The following NKAIN3 variants were observed in gnomAD, a reference collection of about 807,000 sequenced individuals.
NKAIN3 encodes sodium/potassium-transporting ATPase subunit beta-1-interacting protein 3.
Under a neutral mutation model 30.2 loss-of-function variants are expected in NKAIN3, and 25 were observed. That is an observed-to-expected ratio of 0.83 (90% CI 0.60 to 1.16). NKAIN3 has a LOEUF of 1.16. Ranked by LOEUF, NKAIN3 falls within the 50% of genes most tolerant of loss-of-function variation. The probability of loss-of-function intolerance (pLI) is 0.00; values close to 1 mark genes in which losing one functional copy is unlikely to be tolerated. For missense variants in NKAIN3, 225 were observed against 254.1 expected (o/e 0.89, Z 0.78); for synonymous variants, 91 against 89.6 (o/e 1.02, Z -0.09).
At chr8:62,690,830 C>G (rs1414345590) in intron 3 of NKAIN3, among the ~76,000 whole-genome samples, 1 of 152,190 alleles carries the variant, frequency 6.6e-6, no homozygotes, top group Non-Finnish European at 1.5e-5. Context: ...GCAGTATCTA[C>G]AAGGGAAGGA....
chr8:62,971,622 A>C lies in NKAIN3; in HGVS notation c.*6215A>C, dbSNP rs951286240. The stretch of plus-strand genomic sequence containing the variant: ...CACTCCAACCTGGGAGATGGAGCCA[A>C]ACCTTGTCTCAAAAAAAAAGCGGGG... On this transcript the variant is annotated 3_prime_UTR_variant, in exon 7 of 7. Coordinates refer to ENST00000623646, the MANE Select transcript of NKAIN3 (RefSeq NM_001304533.3). Among the ~76,000 whole-genome samples the C allele has an allele frequency of 2.0e-5, 3 of 149,224 alleles. No homozygotes were observed. Among genetic ancestry groups the C allele is most frequent in the African/African-American group, 7.4e-5 (3 of 40,812 alleles).
intron 5 of NKAIN3, among the ~76,000 whole-genome samples, chr8:62,931,049 C>T (rs1044744337): frequency 1.3e-5 from 2 of 152,162 alleles, no homozygotes; most frequent in African/African-American, 4.8e-5. Context: ...AGTCTACATT[C>T]CTTTAAATAA....
At chr8:62,942,607 A>T (rs1483058218) in intron 5 of NKAIN3, among the ~76,000 whole-genome samples, 1 of 152,100 alleles carries the variant, frequency 6.6e-6, no homozygotes, top group Admixed American at 6.6e-5. Context: ...ATCTGGAGGC[A>T]TCACATTACC....
intron 6 of NKAIN3, among the ~76,000 whole-genome samples, chr8:62,960,247 C>T (rs542794326): frequency 8.5e-5 from 13 of 152,292 alleles, no homozygotes; most frequent in Admixed American, 5.2e-4. Flanking sequence ...TGGCCAGTCA[C>T]GTGTCAAAGG....
At chr8:62,939,955 A>T (rs1040993442) in intron 5 of NKAIN3, among the ~76,000 whole-genome samples, 5 of 152,138 alleles carry the variant, frequency 3.3e-5, no homozygotes, top group African/African-American at 1.2e-4. Context: ...CACTTAAAAG[A>T]TACAGAATGG....
chr8:62,864,730 G>A (rs944670562), intron 4 of NKAIN3, among the ~76,000 whole-genome samples: 4 of 152,100 alleles, frequency 2.6e-5, no homozygotes, highest in African/African-American at 9.7e-5. Context: ...TTTGCCAAAA[G>A]CAAAAACCCG....
At chr8:62,673,218 T>C (rs1208696006) in intron 3 of NKAIN3, among the ~76,000 whole-genome samples, 1 of 152,258 alleles carries the variant, frequency 6.6e-6, no homozygotes, top group African/African-American at 2.4e-5. Flanking sequence ...AATTCCTTAT[T>C]AAACTGCTGA....
chr8:62,698,271 A>G (rs1270179311), intron 3 of NKAIN3, among the ~76,000 whole-genome samples: 2 of 152,222 alleles, frequency 1.3e-5, no homozygotes, highest in African/African-American at 2.4e-5. Context: ...TGACTTCCAC[A>G]TAACAGACCT....
At chr8:62,499,152 C>T (rs1209986568) in intron 1 of NKAIN3, among the ~76,000 whole-genome samples, 12 of 152,202 alleles carry the variant, frequency 7.9e-5, no homozygotes, top group Admixed American at 3.3e-4. Context: ...GAGGTAATAG[C>T]GGAAGAGGAC....
At chr8:62,767,083 A>G (rs1816861838) in intron 4 of NKAIN3, among the ~76,000 whole-genome samples, 1 of 151,998 alleles carries the variant, frequency 6.6e-6, no homozygotes, top group Non-Finnish European at 1.5e-5. Context: ...TTTTTATAAT[A>G]GTACCTCAAT....
intron 3 of NKAIN3, among the ~76,000 whole-genome samples, chr8:62,691,114 C>T (rs1813953041): frequency 6.6e-6 from 1 of 152,136 alleles, no homozygotes; most frequent in Non-Finnish European, 1.5e-5. Context: ...TTCACAGTTT[C>T]AAGTACGTAG....
At chr8:62,646,074 T>C (rs1812450592) in intron 3 of NKAIN3, among the ~76,000 whole-genome samples, 1 of 150,014 alleles carries the variant, frequency 6.7e-6, no homozygotes, top group South Asian at 2.1e-4. Flanking sequence ...CTATTATATA[T>C]AATAACTATT....
intron 1 of NKAIN3, among the ~76,000 whole-genome samples, chr8:62,363,994 T>C (rs1311256654): frequency 6.6e-6 from 1 of 152,216 alleles, no homozygotes; most frequent in Non-Finnish European, 1.5e-5. Flanking sequence ...CAGTGTGCCA[T>C]GCTAGGGTGA....
intron 1 of NKAIN3, among the ~76,000 whole-genome samples, chr8:62,456,325 T>C (rs916478924): frequency 4.0e-5 from 6 of 151,824 alleles, no homozygotes; most frequent in African/African-American, 1.5e-4. Flanking sequence ...ATCGAGACCA[T>C]CTGGCTAACA....
intron 3 of NKAIN3, among the ~76,000 whole-genome samples, chr8:62,651,015 A>G (rs1812605305): frequency 6.6e-6 from 1 of 151,986 alleles, no homozygotes; most frequent in Non-Finnish European, 1.5e-5. Flanking sequence ...TTAATTGAGC[A>G]TTTCAAACTG....
At chr8:62,896,674 G>T (rs932119507) in intron 4 of NKAIN3, among the ~76,000 whole-genome samples, 1 of 152,144 alleles carries the variant, frequency 6.6e-6, no homozygotes, top group Non-Finnish European at 1.5e-5. Context: ...CTGCTTCTAG[G>T]TGCTGGGGCC....
chr8:62,773,920 A>G (rs1307997348), intron 4 of NKAIN3, among the ~76,000 whole-genome samples: 1 of 152,146 alleles, frequency 6.6e-6, no homozygotes, highest in South Asian at 2.1e-4. Flanking sequence ...TAAATTTTGC[A>G]ATTGTTTCTT....
chr8:62,391,756 GA>G (rs1248402188), intron 1 of NKAIN3, among the ~76,000 whole-genome samples: 6 of 152,082 alleles, frequency 3.9e-5, no homozygotes, highest in Non-Finnish European at 7.4e-5. Flanking sequence ...CTAAGTTTTT[GA>G]AACCTCTCAT....
At chr8:62,989,145 G>T (rs940985011), downstream of NKAIN3, among the ~76,000 whole-genome samples, 1 of 152,204 alleles carries the variant, frequency 6.6e-6, no homozygotes, top group Non-Finnish European at 1.5e-5. Context: ...TTTCTAGGAA[G>T]TTCCAAACTT....
Sources: allele counts gnomAD v4.1 joint callset (sites outside exome capture counted in the v4.1 genomes callset), GRCh38; gene constraint gnomAD v4.1.1; transcripts MANE v1.5; gene names NCBI Gene and HGNC (gene_info 2026-07-23, HGNC 2026-07-21).